The following P2RY14 variants were observed in gnomAD, a reference collection of about 807,000 sequenced individuals.
The protein encoded by P2RY14 is P2Y purinoceptor 14.
In P2RY14, 2 loss-of-function variants were observed where a neutral mutation model predicts 0.9. The observed-to-expected ratio is 2.16, with a 90% CI of 0.88 to 6.79. The LOEUF (loss-of-function observed/expected upper bound fraction) is 6.79, where lower values mean the gene tolerates loss of function less well. Ranked by LOEUF, P2RY14 falls within the 30% of genes most tolerant of loss-of-function variation. The pLI, the probability that P2RY14 is intolerant of heterozygous loss-of-function variation, is 0.05. For synonymous variants in P2RY14, 158 were observed against 147.2 expected, an observed-to-expected ratio of 1.07 and a Z score of -0.53; for missense variants, 378 against 400.1, an observed-to-expected ratio of 0.94 and a Z score of 0.47.
chr3:151,243,716 C>T (rs1219143120), intron 1 of P2RY14, among the ~76,000 whole-genome samples: 1 of 151,848 alleles, frequency 6.6e-6, no homozygotes, highest in Admixed American at 6.6e-5. Flanking sequence ...AACTAACGAG[C>T]AAAATAACCA....
rs117666401 is a variant in P2RY14 at position 151,263,728 on chromosome 3, A to T, written c.-133+14559T>A. 5.3e-4 allele frequency among the ~76,000 whole-genome samples: 79 copies of T among 149,494 alleles called. No individual in the cohort carries two copies. In the East Asian group the frequency reaches 0.013, roughly 25 times the overall value. Reference sequence around the variant, plus strand: ...AATGTAATATAGAGATTAAGAATGCAGGCTACAGGGTTGGAATTCCTGGAT... The same window carrying T: ...AATGTAATATAGAGATTAAGAATGCTGGCTACAGGGTTGGAATTCCTGGAT... On this transcript the variant is annotated intron_variant, in intron 1 of 2. Transcript: ENST00000309170.
intron 1 of P2RY14, among the ~76,000 whole-genome samples, chr3:151,238,157 T>TTTTCTG (rs1299448327): frequency 4.0e-5 from 6 of 150,062 alleles, no homozygotes; most frequent in African/African-American, 1.5e-4. Context: ...TTCTTTTTCT[T>TTTTCTG]TTTTCTTGAG....
At position 151,213,752 on chromosome 3, in the gene P2RY14, A is replaced by C. The variant is rs1342486506; in HGVS notation, c.565T>G (p.Tyr189Asp). The C allele has an allele frequency of 1.9e-6, 3 of 1,614,068 alleles. No individual in the cohort carries two copies. Among genetic ancestry groups the C allele is most frequent in the African/African-American group, 2.7e-5 (2 of 74,930 alleles). ...ATCCAGAAGATGGCCACGAAGATGT[A>C]GTTTGATGCTTTGTGCCACTTCCGT... is the stretch of plus-strand genomic sequence containing the variant. ...LGRKWHKASN[Y>D]IFVAIFWIVF... Residue 189 changes from tyrosine (Y) to aspartate (D), a missense_variant, in exon 3 of 3, where the codon TAC becomes GAC. Physicochemically the swap from Tyr to Asp is radical, Grantham distance 160. Transcript: ENST00000309170.
intron 1 of P2RY14, among the ~76,000 whole-genome samples, chr3:151,241,108 A>G (rs929291497): frequency 6.6e-6 from 1 of 152,088 alleles, no homozygotes; most frequent in Non-Finnish European, 1.5e-5. Flanking sequence ...GTTAGTTAGA[A>G]GTCTTAGATC....
chr3:151,226,063 G>A (rs1004332976), intron 1 of P2RY14, among the ~76,000 whole-genome samples: 1 of 152,176 alleles, frequency 6.6e-6, no homozygotes, highest in African/African-American at 2.4e-5. Context: ...GAACTCTCAG[G>A]AAGATTCCAG....
rs1286275607 is a variant in P2RY14 at position 151,214,023 on chromosome 3, G to T, written c.294C>A (p.Ala98=). ...QLNVFVCRVS[A]VLFYVNMYVS... is the part of the protein sequence containing the mutation. The stretch of plus-strand genomic sequence containing the variant: ...CGTACATGTTGACGTAGAAGAGCAC[G>T]GCAGAGACCCTGCACACAAACACGT... The change falls in exon 3 of 3, where the codon GCC becomes GCA. Residue 98 remains alanine (A), a synonymous_variant. Transcript: ENST00000309170. The T allele has an allele frequency of 1.2e-6, 2 of 1,614,034 alleles. No individual in the cohort carries two copies. The highest frequency in any genetic ancestry group is 1.3e-5 in the African/African-American group (1 of 75,030).
At chr3:151,229,443 A>G (rs1047563926) in intron 1 of P2RY14, among the ~76,000 whole-genome samples, 1 of 146,644 alleles carries the variant, frequency 6.8e-6, no homozygotes, top group African/African-American at 2.5e-5. Flanking sequence ...AGTAGCTGGG[A>G]CTACAGGCTC....
At chr3:151,261,257 A>G (rs1219126912) in intron 1 of P2RY14, 1 of 152,168 alleles carries the variant, frequency 6.6e-6, no homozygotes, top group African/African-American at 2.4e-5. Flanking sequence ...AAAAAACCCC[A>G]AAAGGCAGAG....
chr3:151,255,013 A>G (rs1737561626), intron 1 of P2RY14, among the ~76,000 whole-genome samples: 1 of 152,134 alleles, frequency 6.6e-6, no homozygotes, highest in Non-Finnish European at 1.5e-5. Context: ...TTTATATTAT[A>G]CTTAACAATA....
chr3:151,272,178 A>G (rs1281288524), intron 1 of P2RY14, among the ~76,000 whole-genome samples: 2 of 152,196 alleles, frequency 1.3e-5, no homozygotes, highest in Non-Finnish European at 2.9e-5. Context: ...ATAAACAGAA[A>G]AGGCTTTCTG....
chr3:151,271,822 A>G (rs1410076857), intron 1 of P2RY14, among the ~76,000 whole-genome samples: 1 of 152,198 alleles, frequency 6.6e-6, no homozygotes, highest in Non-Finnish European at 1.5e-5. Flanking sequence ...TACTGGTAGA[A>G]CTAAGCTCTA....
chr3:151,213,830 T>G lies in P2RY14; in HGVS notation c.487A>C (p.Ser163Arg). The G allele has an allele frequency of 6.2e-7, 1 of 1,614,108 alleles. No individual in the cohort carries two copies. The highest frequency in any genetic ancestry group is 8.5e-7 in the Non-Finnish European group (1 of 1,179,970). The change falls in exon 3 of 3, where the codon AGT becomes CGT. Residue 163 changes from serine to arginine, a missense_variant. By Grantham distance (110) the Ser-to-Arg change is moderately radical. Transcript: ENST00000309170. ...AVPNIILTNQ[S>R]VREVTQIKCI... is the part of the protein sequence containing the mutation. ...TTTATTTGTGTAACCTCCCTAACAC[T>G]CTGGTTGGTGAGAATAATATTTGGA...
intron 1 of P2RY14, among the ~76,000 whole-genome samples, chr3:151,274,619 A>T (rs1231346121): frequency 6.6e-6 from 1 of 152,232 alleles, no homozygotes; most frequent in Non-Finnish European, 1.5e-5. Context: ...TCCCAGCTGG[A>T]TTAAGGTTAG....
chr3:151,261,919 G>GT lies in P2RY14; in HGVS notation c.-133+16367dup, dbSNP rs1473840654. Among the ~76,000 whole-genome samples the GT allele has an allele frequency of 6.6e-5, 10 of 152,096 alleles. No individual in the cohort carries two copies. In the East Asian group the frequency reaches 1.9e-3, roughly 29 times the overall value. ...TTTTTGTATTTTTAGTAGAGACGGG[G>GT]TTTCACCACGTTGGCCAGGCTGGTC... is the stretch of plus-strand genomic sequence containing the variant. On this transcript the variant is annotated intron_variant, in intron 1 of 2. Coordinates refer to ENST00000309170, the MANE Select transcript of P2RY14 (RefSeq NM_014879.4).
chr3:151,264,892 A>G (rs1471118300), intron 1 of P2RY14, among the ~76,000 whole-genome samples: 1 of 152,118 alleles, frequency 6.6e-6, no homozygotes, highest in Non-Finnish European at 1.5e-5. Flanking sequence ...TCCTGTGGCC[A>G]CTGCCTTGCC....
intron 1 of P2RY14, among the ~76,000 whole-genome samples, chr3:151,273,987 T>C (rs1398569283): frequency 1.3e-5 from 2 of 152,202 alleles, no homozygotes; most frequent in Non-Finnish European, 2.9e-5. Context: ...CTGGATTTTT[T>C]AAATCGTGTG....
At chr3:151,269,170 G>A (rs1348410158) in intron 1 of P2RY14, among the ~76,000 whole-genome samples, 1 of 152,188 alleles carries the variant, frequency 6.6e-6, no homozygotes, top group Non-Finnish European at 1.5e-5. Flanking sequence ...GGAGGCCAAG[G>A]TGGGTGGATC....
At chr3:151,277,447 G>A (rs1201408913) in intron 1 of P2RY14, among the ~76,000 whole-genome samples, 1 of 151,846 alleles carries the variant, frequency 6.6e-6, no homozygotes, top group Non-Finnish European at 1.5e-5. Context: ...TGATTATCAA[G>A]TTTGTATGTT....
chr3:151,269,413 A>T (rs1740451088), intron 1 of P2RY14: 2 of 130,926 alleles, frequency 1.5e-5, no homozygotes, highest in South Asian at 3.5e-4. Context: ...ACACACACAC[A>T]CACACACACA....
Sources: gnomAD v4.1 joint callset for allele counts (sites outside exome capture counted in the v4.1 genomes callset) on GRCh38, gnomAD v4.1.1 for gene constraint, MANE v1.5 for transcripts, NCBI Gene and HGNC (gene_info 2026-07-23, HGNC 2026-07-21) for gene names.